Variants in VWA8 observed in about 807,000 individuals in gnomAD.
The protein encoded by VWA8 is von Willebrand factor A domain-containing protein 8.
A neutral mutation model predicts 241.5 loss-of-function variants in VWA8; 221 were observed. The ratio of observed to expected loss-of-function variants is 0.91; its 90% CI spans 0.82 to 1.02. The LOEUF (loss-of-function observed/expected upper bound fraction) is 1.02. Among genes scored for constraint, VWA8 ranks in the 50% least tolerant of loss-of-function variants. The probability of loss-of-function intolerance (pLI) is 0.00; values close to 1 mark genes in which losing one functional copy is unlikely to be tolerated. For missense variants in VWA8, 2,322 were observed against 2,328.7 expected (o/e 1.00, Z 0.06); for synonymous variants, 852 against 827.1 (o/e 1.03, Z -0.52).
In VWA8 at chr13:41,810,903, T is replaced by C. The variant is rs111506179; in HGVS notation, c.2063+322A>G. On this transcript the variant is annotated intron_variant, in intron 17 of 44. Coordinates refer to ENST00000379310, the MANE Select transcript of VWA8 (RefSeq NM_015058.2). ...TAAATATATACTGACCATGTACCCA[T>C]ACAAATTAAGGATAAAAATTTATTT... Among the ~76,000 whole-genome samples, 939 of 152,186 alleles carry C rather than the reference T, an allele frequency of 6.2e-3. 8 individuals carry two copies. The highest frequency in any genetic ancestry group is 0.022 in the African/African-American group (896 of 41,558).
Position 41,919,881 on chromosome 13 carries a change from C to G in VWA8, c.242-7713G>C, listed in dbSNP as rs916146384. Among the ~76,000 whole-genome samples, 7 of 152,242 alleles carry G rather than the reference C, an allele frequency of 4.6e-5. No individual in the cohort carries two copies. In the South Asian group the frequency reaches 1.0e-3, roughly 23 times the overall value. ...CGTAGCTGTATATTTTAGGGCCAAG[C>G]TGATACGGCATCTTACTTCCAGGGA... is the stretch of plus-strand genomic sequence containing the variant. On this transcript the variant is annotated intron_variant, in intron 2 of 44. Transcript: ENST00000379310.
intron 37 of VWA8, among the ~76,000 whole-genome samples, chr13:41,649,680 G>A (rs2044856930): frequency 6.6e-6 from 1 of 151,996 alleles, no homozygotes; most frequent in African/African-American, 2.4e-5. Flanking sequence ...AGGGGAGAAT[G>A]TTATTTTTTT....
chr13:41,858,828 G>A (rs931109282), intron 12 of VWA8, among the ~76,000 whole-genome samples: 1 of 151,552 alleles, frequency 6.6e-6, no homozygotes, highest in Non-Finnish European at 1.5e-5. Context: ...TATTCTTTGT[G>A]GAAAAAAAAA....
At chr13:41,755,598 C>A (rs550320543) in intron 21 of VWA8, among the ~76,000 whole-genome samples, 3 of 151,728 alleles carry the variant, frequency 2.0e-5, no homozygotes, top group Non-Finnish European at 2.9e-5. Flanking sequence ...CAGCAGCATG[C>A]AACTCTTTAC....
At chr13:41,758,398 GTATATATATATATATA>G (rs1236188354) in intron 21 of VWA8, among the ~76,000 whole-genome samples, 1 of 25,020 alleles carries the variant, frequency 4.0e-5, no homozygotes, top group Non-Finnish European at 9.1e-5. Context: ...ATATACGCTA[GTATATATATATATATA>G]TATATATATA....
chr13:41,604,219 G>T (rs1005269147), intron 40 of VWA8, among the ~76,000 whole-genome samples: 1 of 152,142 alleles, frequency 6.6e-6, no homozygotes, highest in Non-Finnish European at 1.5e-5. Context: ...TCAAATGAGT[G>T]ACTATGTAAG....
At chr13:41,929,045 GAAAAAAC>G (rs1355679735) in intron 2 of VWA8, among the ~76,000 whole-genome samples, 2 of 148,660 alleles carry the variant, frequency 1.3e-5, no homozygotes, top group Non-Finnish European at 3.0e-5. Flanking sequence ...TTCACAGATA[GAAAAAAC>G]AATCCTAAAA....
At chr13:41,678,344 C>T (rs1027958642) in intron 35 of VWA8, among the ~76,000 whole-genome samples, 3 of 152,232 alleles carry the variant, frequency 2.0e-5, no homozygotes, top group Non-Finnish European at 4.4e-5. Flanking sequence ...AATGAATATG[C>T]TTATCGTAAG....
rs750385998 is a variant in VWA8 at position 41,777,966 on chromosome 13, G to A, written c.2349+19C>T. The A allele has an allele frequency of 1.5e-5, 24 of 1,591,496 alleles. No homozygotes were observed. The highest frequency in any genetic ancestry group is 2.1e-5 in the Non-Finnish European group (24 of 1,169,814). On this transcript the variant is annotated intron_variant, in intron 20 of 44. Transcript: ENST00000379310. ...ACTATCATTTTTTCATTGGTACCTAGATTTTAGCCATAACTCACCTGGTTG... is the reference window on the plus strand; with the variant it reads ...ACTATCATTTTTTCATTGGTACCTAAATTTTAGCCATAACTCACCTGGTTG...
intron 12 of VWA8, among the ~76,000 whole-genome samples, chr13:41,861,010 A>G (rs1034794949): frequency 1.3e-5 from 2 of 151,880 alleles, no homozygotes; most frequent in African/African-American, 2.4e-5. Context: ...TATAATAGCA[A>G]ATGAAGATGG....
intron 17 of VWA8, among the ~76,000 whole-genome samples, chr13:41,790,298 GTA>G (rs1869397232): frequency 6.6e-6 from 1 of 152,060 alleles, no homozygotes; most frequent in African/African-American, 2.4e-5. Flanking sequence ...TTAACACTGT[GTA>G]TGATTAGTTC....
chr13:41,611,058 CATTT>C (rs1350305750), intron 39 of VWA8, among the ~76,000 whole-genome samples: 1 of 152,168 alleles, frequency 6.6e-6, no homozygotes, highest in Non-Finnish European at 1.5e-5. Context: ...TGCCTCTGCT[CATTT>C]AGTTTTCCCT....
chr13:41,888,730 A>G (rs1874667684), intron 5 of VWA8, among the ~76,000 whole-genome samples: 1 of 152,180 alleles, frequency 6.6e-6, no homozygotes, highest in Admixed American at 6.5e-5. Context: ...TGACTGTCTC[A>G]TGCTAGCTCC....
rs1268034085 is a variant in VWA8 at position 41,903,563 on chromosome 13, A to G, written c.483+4023T>C. On this transcript the variant is annotated intron_variant, in intron 4 of 44. Transcript: ENST00000379310. ...ATGGCCAGTGGCTACTTTAGCTAAG[A>G]AATTTATAACCTGAATTACAAGGAG... 6.6e-5 allele frequency among the ~76,000 whole-genome samples: 10 copies of G among 152,222 alleles called. No homozygotes were observed. In the South Asian group the frequency reaches 2.1e-3, roughly 32 times the overall value.
intron 21 of VWA8, among the ~76,000 whole-genome samples, chr13:41,755,772 ATAT>A (rs1236986211): frequency 2.6e-5 from 4 of 151,824 alleles, no homozygotes; most frequent in Non-Finnish European, 4.4e-5. Flanking sequence ...GCTAAGAAAG[ATAT>A]TATTATATAA....
intron 26 of VWA8, among the ~76,000 whole-genome samples, chr13:41,711,499 G>A (rs2045315902): frequency 6.6e-6 from 1 of 152,060 alleles, no homozygotes; most frequent in African/African-American, 2.4e-5. Context: ...TAATGCACAG[G>A]GATTTATGAT....
chr13:41,852,807 T>C (rs1223780361), intron 12 of VWA8, among the ~76,000 whole-genome samples: 1 of 152,184 alleles, frequency 6.6e-6, no homozygotes, highest in Non-Finnish European at 1.5e-5. Flanking sequence ...TCTGGTTCCA[T>C]CCATCCATAT....
At chr13:41,821,713 G>A (rs1234767012) in intron 14 of VWA8, among the ~76,000 whole-genome samples, 1 of 152,068 alleles carries the variant, frequency 6.6e-6, no homozygotes, top group Non-Finnish European at 1.5e-5. Context: ...CAGATTTAGA[G>A]AGCAAAAAGA....
intron 9 of VWA8, among the ~76,000 whole-genome samples, chr13:41,882,090 G>A (rs1874249703): frequency 6.7e-6 from 1 of 148,788 alleles, no homozygotes; most frequent in Non-Finnish European, 1.5e-5. Context: ...TCTCAGACGG[G>A]GCGGCCGGGC....
Sources: gnomAD v4.1 joint callset for allele counts (sites outside exome capture counted in the v4.1 genomes callset) on GRCh38, gnomAD v4.1.1 for gene constraint, MANE v1.5 for transcripts, NCBI Gene and HGNC (gene_info 2026-07-23, HGNC 2026-07-21) for gene names.